MAP2K6: variants seen among roughly 807,000 people sequenced by gnomAD.
The protein encoded by MAP2K6 is dual specificity mitogen-activated protein kinase kinase 6.
Under a neutral mutation model 53.7 loss-of-function variants are expected in MAP2K6, and 16 were observed. The observed-to-expected ratio is 0.30, with a 90% CI of 0.20 to 0.45. The LOEUF is 0.45. Among genes scored for constraint, MAP2K6 ranks in the 20% least tolerant of loss-of-function variants. MAP2K6 has a pLI of 1.00. For missense variants in MAP2K6, 204 were observed against 411.9 expected (o/e 0.50, Z 4.37); for synonymous variants, 132 against 143.1 (o/e 0.92, Z 0.55).
At position 69,541,721 on chromosome 17, in the gene MAP2K6, G is replaced by A; in HGVS notation, c.973G>A (p.Ala325Thr). Residue 325 changes from alanine to threonine, a missense_variant, in exon 12 of 12, where the codon GCA becomes ACA. This residue lies in a region of MAP2K6 where 47 missense variants were observed against 62.3 expected (regional missense o/e 0.75). Transcript: ENST00000590474. ...ACATGAATCCAAAGGAACAGATGTG[G>A]CATCTTTTGTAAAACTGATTCTTGG... ...TLHESKGTDV[A>T]SFVKLILGD 2 of 1,612,702 alleles carry A rather than the reference G, an allele frequency of 1.2e-6. No homozygotes were observed. The highest frequency in any genetic ancestry group is 1.7e-6 in the Non-Finnish European group (2 of 1,179,036).
chr17:69,417,829 C>T (rs1905954316), intron 1 of MAP2K6, among the ~76,000 whole-genome samples: 3 of 152,182 alleles, frequency 2.0e-5, no homozygotes, highest in African/African-American at 4.8e-5. Context: ...TGGCATCCCC[C>T]AGTTCACCTG....
At chr17:69,480,085 T>G (rs1027812043) in intron 1 of MAP2K6, among the ~76,000 whole-genome samples, 4 of 152,210 alleles carry the variant, frequency 2.6e-5, no homozygotes, top group Non-Finnish European at 5.9e-5. Context: ...GTTGAATTTT[T>G]TTTATTTGTT....
At chr17:69,429,510 G>GTT (rs1174560508) in intron 1 of MAP2K6, among the ~76,000 whole-genome samples, 2 of 151,512 alleles carry the variant, frequency 1.3e-5, no homozygotes, top group Non-Finnish European at 2.9e-5. Context: ...GATAAGGCCT[G>GTT]TAAGTCTTAA....
chr17:69,541,833 G>C lies in MAP2K6; in HGVS notation c.*80G>C. Reference sequence around the variant, plus strand: ...AAGCAAGTTCACTACAGCATCAATAGAAAGTCATCTTTGAGATAATTTAAC... The same window carrying C: ...AAGCAAGTTCACTACAGCATCAATACAAAGTCATCTTTGAGATAATTTAAC... On this transcript the variant is annotated 3_prime_UTR_variant, in exon 12 of 12. Coordinates refer to ENST00000590474, the MANE Select transcript of MAP2K6 (RefSeq NM_002758.4). The C allele has an allele frequency of 9.7e-7, 1 of 1,027,324 alleles. No individual in the cohort carries two copies. The highest frequency in any genetic ancestry group is 1.4e-5 in the South Asian group (1 of 72,842). The allele number at this position is 1,027,324 out of a possible 1,614,324, so 63.6% of individuals were successfully genotyped here.
intron 2 of MAP2K6, among the ~76,000 whole-genome samples, chr17:69,506,688 C>A (rs1001808582): frequency 4.5e-4 from 69 of 152,080 alleles, no homozygotes; most frequent in African/African-American, 1.5e-3. Flanking sequence ...GGAAGTGCAC[C>A]CCTAGTGTTG....
chr17:69,507,370 A>G (rs1199227280), intron 2 of MAP2K6, among the ~76,000 whole-genome samples: 1 of 152,060 alleles, frequency 6.6e-6, no homozygotes, highest in Non-Finnish European at 1.5e-5. Flanking sequence ...GTGTAGCTCT[A>G]TAAAGTTTAT....
intron 1 of MAP2K6, among the ~76,000 whole-genome samples, chr17:69,448,202 A>G (rs1203351573): frequency 1.3e-5 from 2 of 150,676 alleles, no homozygotes; most frequent in Non-Finnish European, 3.0e-5. Context: ...TGGCTCAATT[A>G]TCTAGCCCTG....
intron 1 of MAP2K6, among the ~76,000 whole-genome samples, chr17:69,498,195 A>G (rs1008499839): frequency 5.9e-5 from 9 of 152,344 alleles, no homozygotes; most frequent in East Asian, 5.8e-4. Flanking sequence ...AATTCTTACT[A>G]ATCAGAAAGA....
chr17:69,448,393 C>G (rs1424722638), intron 1 of MAP2K6, among the ~76,000 whole-genome samples: 1 of 151,874 alleles, frequency 6.6e-6, no homozygotes, highest in Admixed American at 6.6e-5. Flanking sequence ...GAAACACAGT[C>G]ATTTTGCTTG....
chr17:69,454,635 C>T (rs1907341275), intron 1 of MAP2K6, among the ~76,000 whole-genome samples: 1 of 152,020 alleles, frequency 6.6e-6, no homozygotes, highest in Non-Finnish European at 1.5e-5. Context: ...TCATGATCCA[C>T]CCGCCTCTGC....
In MAP2K6 at chr17:69,524,963, T is replaced by C; in HGVS notation, c.726T>C (p.Ser242=). 6.2e-7 allele frequency: 1 copy of C among 1,613,000 alleles called. No homozygotes were observed. Among genetic ancestry groups the C allele is most frequent in the Non-Finnish European group, 8.5e-7 (1 of 1,179,220 alleles). ...KGYSVKSDIW[S]LGITMIELAI... is the part of the protein sequence containing the mutation. ...ACAGTGTGAAGTCTGACATTTGGAGTCTGGGCATCACGATGGTAGTGTATG... is the reference window on the plus strand; with the variant it reads ...ACAGTGTGAAGTCTGACATTTGGAGCCTGGGCATCACGATGGTAGTGTATG... Residue 242 remains serine (S), a synonymous_variant, in exon 9 of 12, where the codon AGT becomes AGC. Transcript: ENST00000590474.
chr17:69,476,864 C>A (rs1490682048), intron 1 of MAP2K6, among the ~76,000 whole-genome samples: 3 of 152,196 alleles, frequency 2.0e-5, no homozygotes, highest in Non-Finnish European at 2.9e-5. Flanking sequence ...TAAGAGAAAG[C>A]CCACAATACC....
At chr17:69,421,676 T>C (rs879435398) in intron 1 of MAP2K6, among the ~76,000 whole-genome samples, 2 of 151,892 alleles carry the variant, frequency 1.3e-5, no homozygotes, top group Non-Finnish European at 2.9e-5. Flanking sequence ...GTAGCTGGGA[T>C]TACAGGTGCC....
At position 69,550,950 on chromosome 17, in the gene MAP2K6, T is replaced by A. The variant is rs758117074; in HGVS notation, c.*9197T>A. 4.6e-5 allele frequency: 7 copies of A among 152,342 alleles called. No homozygotes were observed. The highest frequency in any genetic ancestry group is 7.3e-5 in the Non-Finnish European group (5 of 68,034). 9.4% of individuals were successfully genotyped at this position (152,342 alleles called of 1,614,324 possible). A position where few individuals can be genotyped will look rare whatever the true frequency, so the allele number is the denominator to read the frequency against. On this transcript the variant is annotated 3_prime_UTR_variant, in exon 12 of 12. Coordinates refer to ENST00000590474, the MANE Select transcript of MAP2K6 (RefSeq NM_002758.4). ...GAGTATGCTCACAGAGATAGGGAGA[T>A]AGGTGGCCAGAAGACAGGGTCATTT...
chr17:69,474,794 C>T (rs1908087448), intron 1 of MAP2K6, among the ~76,000 whole-genome samples: 1 of 152,228 alleles, frequency 6.6e-6, no homozygotes, highest in Non-Finnish European at 1.5e-5. Flanking sequence ...TCTTTAGCTC[C>T]TAAGCCATGG....
chr17:69,528,445 T>C (rs1910897534), intron 10 of MAP2K6, among the ~76,000 whole-genome samples: 2 of 152,232 alleles, frequency 1.3e-5, no homozygotes. Context: ...CTCTGCCAGG[T>C]TGACCTGGGT....
At chr17:69,510,408 G>T (rs1239682719) in intron 2 of MAP2K6, among the ~76,000 whole-genome samples, 1 of 152,066 alleles carries the variant, frequency 6.6e-6, no homozygotes, top group Non-Finnish European at 1.5e-5. Flanking sequence ...TTGGTCTGTG[G>T]TGGTTTATTT....
intron 7 of MAP2K6, 128 bp from the exon 8 acceptor site, chr17:69,523,382 GTTAC>G: frequency 9.2e-7 from 1 of 1,084,166 alleles, no homozygotes; most frequent in Non-Finnish European, 1.4e-6. Flanking sequence ...AGGGATGGCA[GTTAC>G]TTCTGTGTTG....
chr17:69,533,732 TTTG>T (rs201011052), intron 10 of MAP2K6, among the ~76,000 whole-genome samples: 98 of 115,602 alleles, frequency 8.5e-4, no homozygotes, highest in African/African-American at 3.1e-3. Context: ...TTCTAGCCTG[TTTG>T]TTTTTTTTTT....
Sources: allele counts gnomAD v4.1 joint callset (sites outside exome capture counted in the v4.1 genomes callset), GRCh38; gene constraint gnomAD v4.1.1; regional missense constraint gnomAD v4.1.1; transcripts MANE v1.5; gene names NCBI Gene and HGNC (gene_info 2026-07-23, HGNC 2026-07-21).